ST6GALNAC5: variants seen among roughly 807,000 people sequenced by gnomAD.
ST6GALNAC5 encodes alpha-N-acetylgalactosaminide alpha-2,6-sialyltransferase 5.
Under a neutral mutation model 33.6 loss-of-function variants are expected in ST6GALNAC5, and 27 were observed. That is an observed-to-expected ratio of 0.80 (90% CI 0.59 to 1.11). ST6GALNAC5 has a LOEUF of 1.11. Ranked by LOEUF, ST6GALNAC5 falls within the 50% of genes least tolerant of loss-of-function variation. The pLI is 0.00. For synonymous variants in ST6GALNAC5, 194 were observed against 171.2 expected (o/e 1.13, Z -1.04); for missense variants, 428 against 454.0 (o/e 0.94, Z 0.52).
At chr1:76,994,940 A>C (rs1649868819) in intron 2 of ST6GALNAC5, among the ~76,000 whole-genome samples, 1 of 152,180 alleles carries the variant, frequency 6.6e-6, no homozygotes, top group Non-Finnish European at 1.5e-5. Flanking sequence ...ATGCACTTCC[A>C]GACTGAAGTT....
intron 2 of ST6GALNAC5, among the ~76,000 whole-genome samples, chr1:77,008,166 A>G (rs911399594): frequency 1.3e-5 from 2 of 152,166 alleles, no homozygotes; most frequent in Non-Finnish European, 2.9e-5. Context: ...TGGTGCTCAG[A>G]GGGGCTGGGA....
chr1:77,045,968 G>A (rs1230555928), intron 3 of ST6GALNAC5, among the ~76,000 whole-genome samples: 3 of 152,224 alleles, frequency 2.0e-5, no homozygotes, highest in Non-Finnish European at 4.4e-5. Context: ...GACCTTACGT[G>A]TGAAAAGGGA....
At chr1:77,041,561 G>A (rs1014437746) in intron 2 of ST6GALNAC5, among the ~76,000 whole-genome samples, 1 of 152,146 alleles carries the variant, frequency 6.6e-6, no homozygotes, top group African/African-American at 2.4e-5. Flanking sequence ...AGTAAAATAA[G>A]GGAAAGGAAA....
intron 2 of ST6GALNAC5, among the ~76,000 whole-genome samples, chr1:76,929,352 C>T (rs907175378): frequency 2.1e-4 from 32 of 152,068 alleles, no homozygotes; most frequent in African/African-American, 7.5e-4. Flanking sequence ...ACCAACCTGG[C>T]CGAGACCGTG....
intron 2 of ST6GALNAC5, among the ~76,000 whole-genome samples, chr1:77,028,152 C>T (rs575301085): frequency 6.6e-6 from 1 of 152,350 alleles, no homozygotes; most frequent in East Asian, 1.9e-4. Context: ...TTTAACCCTT[C>T]TTTGGCCTCT....
At chr1:77,009,474 T>C (rs1026279434) in intron 2 of ST6GALNAC5, among the ~76,000 whole-genome samples, 3 of 152,044 alleles carry the variant, frequency 2.0e-5, no homozygotes, top group Non-Finnish European at 4.4e-5. Context: ...GGCTTTGGTG[T>C]TGGGGAGAGC....
chr1:76,893,794 G>A (rs1196842479), intron 2 of ST6GALNAC5, among the ~76,000 whole-genome samples: 1 of 152,122 alleles, frequency 6.6e-6, no homozygotes, highest in African/African-American at 2.4e-5. Context: ...CTGAGTAGCT[G>A]GGACTACAGG....
At chr1:76,926,571 C>A (rs959276632) in intron 2 of ST6GALNAC5, among the ~76,000 whole-genome samples, 4 of 152,126 alleles carry the variant, frequency 2.6e-5, no homozygotes, top group Non-Finnish European at 5.9e-5. Context: ...CTAGAATGTA[C>A]GCAGCTAATC....
chr1:76,911,779 C>A (rs902871297), intron 2 of ST6GALNAC5, among the ~76,000 whole-genome samples: 1 of 150,900 alleles, frequency 6.6e-6, no homozygotes, highest in African/African-American at 2.4e-5. Flanking sequence ...GCTGTGGGAT[C>A]GGTGGTTTGA....
At chr1:76,952,604 C>T (rs1333198946) in intron 2 of ST6GALNAC5, among the ~76,000 whole-genome samples, 5 of 152,022 alleles carry the variant, frequency 3.3e-5, no homozygotes, top group African/African-American at 1.2e-4. Flanking sequence ...ATGCCAATTA[C>T]CCTGATCTGA....
At chr1:76,900,330 T>A (rs1379615115) in intron 2 of ST6GALNAC5, among the ~76,000 whole-genome samples, 1 of 147,522 alleles carries the variant, frequency 6.8e-6, no homozygotes, top group Non-Finnish European at 1.5e-5. Flanking sequence ...GCCATCTGGA[T>A]GTGTACGTGC....
chr1:76,906,846 T>C (rs1646868587), intron 2 of ST6GALNAC5, among the ~76,000 whole-genome samples: 1 of 152,142 alleles, frequency 6.6e-6, no homozygotes, highest in African/African-American at 2.4e-5. Context: ...ATATTCAAAA[T>C]AAAACTCATC....
At chr1:77,040,213 C>T (rs1651788778) in intron 2 of ST6GALNAC5, among the ~76,000 whole-genome samples, 1 of 152,200 alleles carries the variant, frequency 6.6e-6, no homozygotes, top group African/African-American at 2.4e-5. Context: ...GGAAGTGGGT[C>T]AGCCTTTAGT....
intron 2 of ST6GALNAC5, among the ~76,000 whole-genome samples, chr1:76,944,674 C>T (rs1005680320): frequency 6.6e-6 from 1 of 152,010 alleles, no homozygotes; most frequent in Non-Finnish European, 1.5e-5. Context: ...TAAAATAAGC[C>T]AGCACATTGT....
At chr1:76,995,074 G>A (rs992088576) in intron 2 of ST6GALNAC5, among the ~76,000 whole-genome samples, 2 of 152,144 alleles carry the variant, frequency 1.3e-5, no homozygotes, top group Non-Finnish European at 2.9e-5. Context: ...TAAGTAGTCA[G>A]ATTGCATTTA....
intron 2 of ST6GALNAC5, among the ~76,000 whole-genome samples, chr1:76,881,779 A>G (rs1013657145): frequency 1.3e-5 from 2 of 152,220 alleles, no homozygotes; most frequent in Admixed American, 6.5e-5. Context: ...CTCCTGCCAC[A>G]ATTTGTAGGC....
At chr1:76,883,930 T>C (rs1371859328) in intron 2 of ST6GALNAC5, among the ~76,000 whole-genome samples, 1 of 152,110 alleles carries the variant, frequency 6.6e-6, no homozygotes, top group African/African-American at 2.4e-5. Context: ...TTTGGAGAAG[T>C]ATTATGGGCT....
chr1:77,025,182 C>T (rs1309723040), intron 2 of ST6GALNAC5, among the ~76,000 whole-genome samples: 1 of 152,180 alleles, frequency 6.6e-6, no homozygotes, highest in Non-Finnish European at 1.5e-5. Flanking sequence ...CATTCTTACG[C>T]GTGGACACAA....
At chr1:77,038,269 G>C (rs748513620) in intron 2 of ST6GALNAC5, among the ~76,000 whole-genome samples, 4 of 152,150 alleles carry the variant, frequency 2.6e-5, no homozygotes, top group Non-Finnish European at 4.4e-5. Flanking sequence ...GAAAGGAACA[G>C]CTTGGAAGAG....
Sources: allele counts gnomAD v4.1 joint callset (sites outside exome capture counted in the v4.1 genomes callset), GRCh38; gene constraint gnomAD v4.1.1; transcripts MANE v1.5; gene names NCBI Gene and HGNC (gene_info 2026-07-23, HGNC 2026-07-21).